The following DIAPH3 variants were observed in gnomAD, a reference collection of about 807,000 sequenced individuals.
The protein encoded by DIAPH3 is protein diaphanous homolog 3.
A neutral mutation model predicts 144.3 loss-of-function variants in DIAPH3; 117 were observed. The ratio of observed to expected loss-of-function variants is 0.81; its 90% CI spans 0.70 to 0.95. The LOEUF (loss-of-function observed/expected upper bound fraction) is 0.95. DIAPH3 is among the 40% of genes least tolerant of loss of function. The pLI, the probability that DIAPH3 is intolerant of heterozygous loss-of-function variation, is 0.00. For missense variants in DIAPH3, 1,421 were observed against 1,412.7 expected (o/e 1.01, Z -0.09); for synonymous variants, 519 against 488.9 (o/e 1.06, Z -0.81).
intron 7 of DIAPH3, among the ~76,000 whole-genome samples, chr13:60,012,543 T>G (rs2053346923): frequency 6.6e-6 from 1 of 152,210 alleles, no homozygotes; most frequent in African/African-American, 2.4e-5. Context: ...AGAAAGTCAG[T>G]CAATGATTAC....
chr13:59,956,405 T>C (rs1346496875), intron 17 of DIAPH3, among the ~76,000 whole-genome samples: 1 of 152,306 alleles, frequency 6.6e-6, no homozygotes, highest in East Asian at 1.9e-4. Context: ...GCTCAGGCTG[T>C]TGCATCAGAG....
At chr13:59,978,350 A>T (rs951985894) in intron 14 of DIAPH3, among the ~76,000 whole-genome samples, 6 of 151,728 alleles carry the variant, frequency 4.0e-5, no homozygotes, top group African/African-American at 1.4e-4. Flanking sequence ...ACTAAGACAA[A>T]GTTCACTGTT....
At chr13:59,806,805 T>A (rs2040221388) in intron 25 of DIAPH3, among the ~76,000 whole-genome samples, 1 of 151,870 alleles carries the variant, frequency 6.6e-6, no homozygotes, top group Non-Finnish European at 1.5e-5. Flanking sequence ...ATAGAAATGA[T>A]AACACATATT....
intron 24 of DIAPH3, among the ~76,000 whole-genome samples, chr13:59,823,197 A>G (rs1489798857): frequency 2.0e-5 from 3 of 152,226 alleles, no homozygotes; most frequent in African/African-American, 7.2e-5. Flanking sequence ...CATAGTACGA[A>G]TAAATCTTAC....
At chr13:59,759,444 T>G (rs993811668) in intron 27 of DIAPH3, among the ~76,000 whole-genome samples, 2 of 152,184 alleles carry the variant, frequency 1.3e-5, no homozygotes, top group African/African-American at 4.8e-5. Context: ...TTCTAGGAAA[T>G]ATCACATTTC....
chr13:59,949,472 T>G (rs2048988624), intron 17 of DIAPH3, among the ~76,000 whole-genome samples: 1 of 152,108 alleles, frequency 6.6e-6, no homozygotes, highest in South Asian at 2.1e-4. Flanking sequence ...CTACTATAAT[T>G]TAATAATATA....
rs1951959390 is a variant in DIAPH3 at position 60,155,103 on chromosome 13, C to T, written c.180+8484G>A. 2.6e-5 allele frequency among the ~76,000 whole-genome samples: 4 copies of T among 152,240 alleles called. No homozygotes were observed. The South Asian group carries it at 8.3e-4, about 32-fold the overall frequency. On this transcript the variant is annotated intron_variant, in intron 1 of 27. Coordinates refer to ENST00000400324, the MANE Select transcript of DIAPH3 (RefSeq NM_001042517.2). ...TAATTCAAGACAACAATAATAAAAG[C>T]ATGACAAATTTTAGCATTCCACCAA...
At chr13:59,880,367 TGAACTTCAA>T (rs1299525167) in intron 20 of DIAPH3, among the ~76,000 whole-genome samples, 1 of 152,118 alleles carries the variant, frequency 6.6e-6, no homozygotes, top group Non-Finnish European at 1.5e-5. Context: ...GTAAAATTGT[TGAACTTCAA>T]CAACTATTGT....
intron 17 of DIAPH3, among the ~76,000 whole-genome samples, chr13:59,947,330 T>C (rs1416784578): frequency 5.9e-5 from 9 of 152,188 alleles, no homozygotes; most frequent in Admixed American, 5.9e-4. Flanking sequence ...AATGTCATTA[T>C]CACAAACAGC....
At chr13:60,057,818 G>A (rs1275796493) in intron 4 of DIAPH3, among the ~76,000 whole-genome samples, 1 of 151,946 alleles carries the variant, frequency 6.6e-6, no homozygotes, top group African/African-American at 2.4e-5. Context: ...TCAATAAATA[G>A]TGCTGAGAAA....
chr13:59,847,694 C>A (rs955829989), intron 22 of DIAPH3, among the ~76,000 whole-genome samples: 3 of 152,144 alleles, frequency 2.0e-5, no homozygotes, highest in Non-Finnish European at 4.4e-5. Flanking sequence ...AATTTTACTG[C>A]TTTTTACTTT....
intron 24 of DIAPH3, among the ~76,000 whole-genome samples, chr13:59,826,373 C>T (rs1334269226): frequency 6.9e-6 from 1 of 143,940 alleles, no homozygotes; most frequent in African/African-American, 2.6e-5. Context: ...CACAAGCATT[C>T]TTATACACCA....
intron 2 of DIAPH3, among the ~76,000 whole-genome samples, chr13:60,121,992 T>C (rs1460732387): frequency 2.0e-5 from 3 of 152,022 alleles, no homozygotes; most frequent in Non-Finnish European, 2.9e-5. Context: ...CCCCCTACCA[T>C]GCTATAGCAA....
intron 2 of DIAPH3, among the ~76,000 whole-genome samples, chr13:60,114,544 C>A (rs2058652962): frequency 6.6e-6 from 1 of 151,826 alleles, no homozygotes; most frequent in South Asian, 2.1e-4. Context: ...AGAAATATTT[C>A]AGAAGATAAT....
rs79796471 is a variant in DIAPH3, at chr13:60,086,510, A to G, written c.495+7118T>C. On this transcript the variant is annotated intron_variant, in intron 4 of 27. Transcript: ENST00000400324. ...CATCATAAGCAAGGGCATTGTGTTT[A>G]TTAGATACATCTAATGTCAATCACA... Among the ~76,000 whole-genome samples the G allele has an allele frequency of 4.1e-3, 621 of 152,250 alleles. 3 individuals are homozygous for G. The highest frequency in any genetic ancestry group is 0.01 in the Middle Eastern group (3 of 294).
At chr13:59,717,472 C>T (rs1425398204) in intron 27 of DIAPH3, among the ~76,000 whole-genome samples, 2 of 151,646 alleles carry the variant, frequency 1.3e-5, no homozygotes, top group Non-Finnish European at 2.9e-5. Flanking sequence ...AATTTGCCAC[C>T]CAACAGCCCA....
rs2039718969 is a variant in DIAPH3 at position 59,798,302 on chromosome 13, T to TCA, written c.3163+12484_3163+12485dup. Among the ~76,000 whole-genome samples the TCA allele has an allele frequency of 1.3e-5, 2 of 152,190 alleles. 1 individual carries two copies. Among genetic ancestry groups the TCA allele is most frequent in the South Asian group, 4.1e-4 (2 of 4,824 alleles). On this transcript the variant is annotated intron_variant, in intron 25 of 27. Transcript: ENST00000400324. ...GCCATTTCTCTAAAAGCAAATCATA[T>TCA]CACTGCTCTGTTTAATGCCCTTGAA...
In DIAPH3 at chr13:59,974,386, T is replaced by C; in HGVS notation, c.1616A>G (p.Glu539Gly). The C allele has an allele frequency of 6.2e-7, 1 of 1,612,784 alleles. No homozygotes were observed. The highest frequency in any genetic ancestry group is 1.1e-5 in the South Asian group (1 of 91,040). ...ELQKKEAKIN[E>G]LQAELQAFKS... ...AAAAGCTTGTAGCTCTGCTTGAAGC[T>C]CATTAATCTTTGCCTCTTTTTTCTG... Residue 539 changes from glutamate (E) to glycine (G), a missense_variant, in exon 15 of 28, where the codon GAG becomes GGG. Transcript: ENST00000400324.
At chr13:60,062,817 C>T (rs2056823688) in intron 4 of DIAPH3, among the ~76,000 whole-genome samples, 1 of 152,176 alleles carries the variant, frequency 6.6e-6, no homozygotes, top group Non-Finnish European at 1.5e-5. Flanking sequence ...AAACAACATA[C>T]ATAATTTTAA....
Sources: allele counts gnomAD v4.1 joint callset (sites outside exome capture counted in the v4.1 genomes callset), GRCh38; gene constraint gnomAD v4.1.1; transcripts MANE v1.5; gene names NCBI Gene and HGNC (gene_info 2026-07-23, HGNC 2026-07-21).